The following CDC45 variants were observed in gnomAD, a reference collection of about 807,000 sequenced individuals.
CDC45 encodes cell division control protein 45 homolog.
A neutral mutation model predicts 77.8 loss-of-function variants in CDC45; 54 were observed. The observed-to-expected ratio is 0.69, with a 90% confidence interval of 0.56 to 0.87. The LOEUF (loss-of-function observed/expected upper bound fraction) is 0.87, where lower values mean the gene tolerates loss of function less well. Among genes scored for constraint, CDC45 ranks in the 40% least tolerant of loss-of-function variants. The pLI is 0.00. For missense variants in CDC45, 649 were observed against 721.6 expected (o/e 0.90, Z 1.15); for synonymous variants, 260 against 272.1 (o/e 0.96, Z 0.44).
chr22:19,491,414 C>T (rs987512067), intron 5 of CDC45, among the ~76,000 whole-genome samples: 12 of 151,606 alleles, frequency 7.9e-5, no homozygotes, highest in African/African-American at 2.9e-4. Context: ...CTTAGTTTTC[C>T]ATCTTTGAGA....
intron 13 of CDC45, among the ~76,000 whole-genome samples, chr22:19,511,699 C>T (rs1269169110): frequency 6.6e-6 from 1 of 152,146 alleles, no homozygotes; most frequent in African/African-American, 2.4e-5. Flanking sequence ...TTCTCCCATT[C>T]TGTAGGCTGA....
At chr22:19,486,458 CT>C (rs1414304141) in intron 5 of CDC45, among the ~76,000 whole-genome samples, 1 of 151,230 alleles carries the variant, frequency 6.6e-6, no homozygotes, top group African/African-American at 2.4e-5. Flanking sequence ...TCTTTTTTTT[CT>C]TTTGTTTTTA....
chr22:19,514,537 C>T (rs1933674603), intron 13 of CDC45, among the ~76,000 whole-genome samples: 1 of 152,132 alleles, frequency 6.6e-6, no homozygotes, highest in South Asian at 2.1e-4. Flanking sequence ...ATACTTGCAC[C>T]CGCTCCACCT....
At chr22:19,509,296 A>T (rs1601976361) in intron 13 of CDC45, among the ~76,000 whole-genome samples, 1 of 152,334 alleles carries the variant, frequency 6.6e-6, no homozygotes, top group East Asian at 1.9e-4. Flanking sequence ...GGACACTTTT[A>T]TTGGCAAAAG....
chr22:19,479,829 G>A, upstream of CDC45: 1 of 867,692 alleles, frequency 1.2e-6, no homozygotes, highest in Non-Finnish European at 1.9e-6. Context: ...CAATCAGAAA[G>A]AAAGGAAGGC....
chr22:19,482,968 A>G, intron 4 of CDC45, 141 bp downstream of exon 4: 1 of 664,132 alleles, frequency 1.5e-6, no homozygotes, highest in Non-Finnish European at 2.5e-6. Context: ...GGTCTTTGTC[A>G]TCTTTTTTTT....
intron 9 of CDC45, among the ~76,000 whole-genome samples, chr22:19,500,486 T>C (rs1289454812): frequency 6.6e-6 from 1 of 152,150 alleles, no homozygotes; most frequent in Non-Finnish European, 1.5e-5. Flanking sequence ...CACAAGATTG[T>C]AGTTCCCCTA....
Position 19,481,004 on chromosome 22 carries a change from T to C in CDC45, c.163T>C (p.Trp55Arg), listed in dbSNP as rs965036881. 6.2e-7 allele frequency: 1 copy of C among 1,613,924 alleles called. No individual in the cohort carries two copies. Among genetic ancestry groups the C allele is most frequent in the African/African-American group, 1.3e-5 (1 of 75,052 alleles). ...VQYTLVPVSG[W>R]QELETAFLEH... ...ATATACGCTGGTTCCAGTTTCTGGG[T>C]GGCAAGAACTTGAAACTGCATTTCT... Residue 55 changes from tryptophan to arginine, a missense_variant, in exon 3 of 19, where the codon TGG (tryptophan) becomes CGG (arginine). By Grantham distance (101) the Trp-to-Arg change is moderately radical (BLOSUM62 -3). Coordinates refer to ENST00000263201, the MANE Select transcript of CDC45 (RefSeq NM_003504.5).
chr22:19,504,472 T>A (rs5993657), intron 9 of CDC45, among the ~76,000 whole-genome samples: 52,630 of 152,112 alleles, frequency 0.35, 11,159 homozygotes, highest in Non-Finnish European at 0.47. Context: ...GCTAATTTTG[T>A]ATTTGTAATA....
chr22:19,487,435 A>C (rs2090088262), intron 5 of CDC45, among the ~76,000 whole-genome samples: 1 of 151,010 alleles, frequency 6.6e-6, no homozygotes, highest in Non-Finnish European at 1.5e-5. Flanking sequence ...CTAGAGTGGG[A>C]GGATGCCTTG....
At chr22:19,518,136 C>T (rs1369168278) in intron 17 of CDC45, among the ~76,000 whole-genome samples, 1 of 152,218 alleles carries the variant, frequency 6.6e-6, no homozygotes, top group Non-Finnish European at 1.5e-5. Flanking sequence ...TGGATGGACA[C>T]CCACTGGCCT....
At chr22:19,513,695 C>G (rs1389780251) in intron 13 of CDC45, among the ~76,000 whole-genome samples, 1 of 152,194 alleles carries the variant, frequency 6.6e-6, no homozygotes, top group Non-Finnish European at 1.5e-5. Context: ...AATTAGAGCA[C>G]AGTTCTTAAG....
At chr22:19,493,121 GT>G in intron 5 of CDC45, among the ~76,000 whole-genome samples, 1 of 152,286 alleles carries the variant, frequency 6.6e-6, no homozygotes, top group South Asian at 2.1e-4. Flanking sequence ...GGATATGGAT[GT>G]TCTTGGTGGT....
At chr22:19,500,620 G>T (rs2090323924) in intron 9 of CDC45, among the ~76,000 whole-genome samples, 1 of 152,146 alleles carries the variant, frequency 6.6e-6, no homozygotes, top group African/African-American at 2.4e-5. Flanking sequence ...ACGAGGAGCT[G>T]ACTAAACCAA....
chr22:19,519,721 T>A (rs1016166686), intron 18 of CDC45, among the ~76,000 whole-genome samples: 9 of 152,178 alleles, frequency 5.9e-5, no homozygotes, highest in Non-Finnish European at 1.2e-4. Context: ...CATCTGTCCA[T>A]CCCTCCAGGG....
rs527476560 is a variant in CDC45, at chr22:19,493,733, G to A, written c.487-594G>A. Among the ~76,000 whole-genome samples, 7 of 152,298 alleles carry A rather than the reference G, an allele frequency of 4.6e-5. No homozygotes were observed. In the East Asian group the frequency reaches 5.8e-4, roughly 13 times the overall value. On this transcript the variant is annotated intron_variant, in intron 5 of 18. Coordinates refer to ENST00000263201, the MANE Select transcript of CDC45 (RefSeq NM_003504.5). ...TGGGATTACAGGCGTGAGCCACTGC[G>A]CCCAGCCTTACTTTGTTTGATCTAT...
intron 8 of CDC45, 92 bp downstream of exon 8, chr22:19,497,539 C>T: frequency 9.4e-7 from 1 of 1,064,322 alleles, no homozygotes; most frequent in East Asian, 2.4e-5. Context: ...GAGGGTGTTT[C>T]CCTTGTCCCC....
At chr22:19,494,752 G>A in intron 6 of CDC45, 1 of 699,602 alleles carries the variant, frequency 1.4e-6, no homozygotes, top group South Asian at 1.8e-5. Flanking sequence ...TGAGCATGCA[G>A]CAGCGCCCTT....
intron 13 of CDC45, among the ~76,000 whole-genome samples, chr22:19,514,165 G>T (rs13447272): frequency 2.0e-5 from 3 of 152,114 alleles, no homozygotes; most frequent in Non-Finnish European, 4.4e-5. Context: ...CAAATGGTCT[G>T]ATGTCTTTCA....
Sources: gnomAD v4.1 joint callset for allele counts (sites outside exome capture counted in the v4.1 genomes callset) on GRCh38, gnomAD v4.1.1 for gene constraint, MANE v1.5 for transcripts, NCBI Gene and HGNC (gene_info 2026-07-23, HGNC 2026-07-21) for gene names.